Variants in NKAIN2 observed in about 807,000 individuals in gnomAD.
NKAIN2 encodes the protein sodium/potassium-transporting ATPase subunit beta-1-interacting protein 2.
NKAIN2 carries 14 observed loss-of-function variants against 32.6 expected under a neutral mutation model. The observed-to-expected ratio is 0.43, with a 90% CI of 0.28 to 0.67. The LOEUF is 0.67. NKAIN2 is among the 30% of genes least tolerant of loss of function. The probability of loss-of-function intolerance (pLI) is 0.17; values close to 1 mark genes in which losing one functional copy is unlikely to be tolerated. For missense variants in NKAIN2, 198 were observed against 258.3 expected, an observed-to-expected ratio of 0.77 and a Z score of 1.60; for synonymous variants, 80 against 87.2, an observed-to-expected ratio of 0.92 and a Z score of 0.46.
chr6:124,633,131 C>A (rs1783635340), intron 3 of NKAIN2, among the ~76,000 whole-genome samples: 1 of 152,036 alleles, frequency 6.6e-6, no homozygotes, highest in South Asian at 2.1e-4. Context: ...GATAGGGTGA[C>A]AAAGGGAATT....
At chr6:124,631,108 C>T (rs1290071399) in intron 3 of NKAIN2, among the ~76,000 whole-genome samples, 1 of 152,126 alleles carries the variant, frequency 6.6e-6, no homozygotes, top group Admixed American at 6.6e-5. Context: ...TGTGAACAAT[C>T]ACTGATCGGT....
At chr6:124,210,913 C>T (rs140294901) in intron 1 of NKAIN2, among the ~76,000 whole-genome samples, 179 of 151,688 alleles carry the variant, frequency 1.2e-3, no homozygotes, top group Non-Finnish European at 2.0e-3. Context: ...TCCTCCTTTC[C>T]AATTTAGATA....
At chr6:124,747,795 CTTA>C (rs1777512689) in intron 4 of NKAIN2, among the ~76,000 whole-genome samples, 1 of 151,736 alleles carries the variant, frequency 6.6e-6, no homozygotes, top group Admixed American at 6.6e-5. Flanking sequence ...CAAAAATATT[CTTA>C]TATTTTTTAT....
At chr6:123,819,088 T>C (rs914810789) in intron 1 of NKAIN2, among the ~76,000 whole-genome samples, 6 of 152,300 alleles carry the variant, frequency 3.9e-5, no homozygotes, top group Admixed American at 6.5e-5. Context: ...TCTGGCTATA[T>C]GTGAGAAGAG....
chr6:124,215,115 C>G (rs955599453), intron 1 of NKAIN2, among the ~76,000 whole-genome samples: 1 of 151,948 alleles, frequency 6.6e-6, no homozygotes, highest in African/African-American at 2.4e-5. Flanking sequence ...AAACAATAAT[C>G]ATGGAACATA....
chr6:124,762,057 T>C (rs1037001764), intron 4 of NKAIN2, among the ~76,000 whole-genome samples: 1 of 152,180 alleles, frequency 6.6e-6, no homozygotes, highest in Non-Finnish European at 1.5e-5. Context: ...TAAGAGTTCA[T>C]AGCTCATATT....
chr6:124,259,171 C>A (rs182199165), intron 1 of NKAIN2, among the ~76,000 whole-genome samples: 90 of 152,242 alleles, frequency 5.9e-4, no homozygotes, highest in African/African-American at 2.0e-3. Flanking sequence ...ATATGTGGCA[C>A]TCTCTACTTA....
intron 2 of NKAIN2, among the ~76,000 whole-genome samples, chr6:124,304,233 C>G (rs1397793836): frequency 1.3e-5 from 2 of 152,142 alleles, no homozygotes; most frequent in Non-Finnish European, 2.9e-5. Flanking sequence ...CCTTCCCATC[C>G]ATGCCCATAG....
chr6:124,075,140 G>A (rs1286842277), intron 1 of NKAIN2, among the ~76,000 whole-genome samples: 1 of 152,140 alleles, frequency 6.6e-6, no homozygotes, highest in Admixed American at 6.5e-5. Context: ...TGGTATCAGA[G>A]AAAAACTTCT....
chr6:124,107,319 T>C (rs934649923), intron 1 of NKAIN2, among the ~76,000 whole-genome samples: 1 of 152,144 alleles, frequency 6.6e-6, no homozygotes, highest in African/African-American at 2.4e-5. Context: ...CTTTACTTGT[T>C]TTTTAGATGG....
chr6:124,673,379 A>G (rs1583621803), intron 4 of NKAIN2, among the ~76,000 whole-genome samples: 1 of 152,122 alleles, frequency 6.6e-6, no homozygotes, highest in East Asian at 1.9e-4. Flanking sequence ...TCAAGATTCA[A>G]TTTTCAGTCC....
At chr6:124,788,718 A>G (rs1042145705) in intron 4 of NKAIN2, among the ~76,000 whole-genome samples, 43 of 152,160 alleles carry the variant, frequency 2.8e-4, no homozygotes, top group African/African-American at 9.9e-4. Flanking sequence ...CCCACAACAC[A>G]TGGGGGTTAT....
chr6:123,898,205 A>G (rs1774377322), intron 1 of NKAIN2, among the ~76,000 whole-genome samples: 1 of 152,192 alleles, frequency 6.6e-6, no homozygotes, highest in South Asian at 2.1e-4. Context: ...TCACAGCCAT[A>G]TCATCTTGAG....
chr6:124,239,800 T>C (rs1792977827), intron 1 of NKAIN2, among the ~76,000 whole-genome samples: 1 of 152,078 alleles, frequency 6.6e-6, no homozygotes, highest in African/African-American at 2.4e-5. Flanking sequence ...GCGGGAAAGA[T>C]CTAAAATCGA....
chr6:124,814,927 A>ACAG (rs1277661216), intron 5 of NKAIN2, among the ~76,000 whole-genome samples: 58 of 152,154 alleles, frequency 3.8e-4, no homozygotes, highest in African/African-American at 1.2e-3. Flanking sequence ...AATAATAACA[A>ACAG]CAGCAGCAGC....
intron 3 of NKAIN2, among the ~76,000 whole-genome samples, chr6:124,590,317 A>G (rs143927636): frequency 6.6e-6 from 1 of 152,154 alleles, no homozygotes; most frequent in Non-Finnish European, 1.5e-5. Flanking sequence ...TGTACTTTGG[A>G]TGAATGATGT....
At chr6:124,351,188 T>C (rs1031232613) in intron 2 of NKAIN2, among the ~76,000 whole-genome samples, 4 of 152,202 alleles carry the variant, frequency 2.6e-5, no homozygotes, top group Non-Finnish European at 4.4e-5. Flanking sequence ...ATCTAGTGAA[T>C]AATATGTTGC....
At chr6:124,410,716 T>G (rs912403470) in intron 3 of NKAIN2, among the ~76,000 whole-genome samples, 11 of 152,318 alleles carry the variant, frequency 7.2e-5, no homozygotes, top group Non-Finnish European at 1.6e-4. Flanking sequence ...TTAGGTCCGC[T>G]TGGTGCAGAG....
At chr6:124,460,399 T>C (rs2114645481) in intron 3 of NKAIN2, among the ~76,000 whole-genome samples, 1 of 151,944 alleles carries the variant, frequency 6.6e-6, no homozygotes, top group Non-Finnish European at 1.5e-5. Flanking sequence ...AACCACATCC[T>C]TTAGAAGTTT....
Sources: allele counts gnomAD v4.1 joint callset (sites outside exome capture counted in the v4.1 genomes callset), GRCh38; gene constraint gnomAD v4.1.1; transcripts MANE v1.5; gene names NCBI Gene and HGNC (gene_info 2026-07-23, HGNC 2026-07-21).